The following SCARA3 variants were observed in gnomAD, a reference collection of about 807,000 sequenced individuals.
The protein encoded by SCARA3 is scavenger receptor class A member 3.
SCARA3 carries 39 observed loss-of-function variants against 47.0 expected under a neutral mutation model. The ratio of observed to expected loss-of-function variants is 0.83; its 90% CI spans 0.64 to 1.08. The LOEUF is 1.08. Among genes scored for constraint, SCARA3 ranks in the 50% least tolerant of loss-of-function variants. SCARA3 has a pLI of 0.00. For missense variants in SCARA3, 724 were observed against 792.3 expected, an observed-to-expected ratio of 0.91 and a Z score of 1.04; for synonymous variants, 356 against 334.1, an observed-to-expected ratio of 1.07 and a Z score of -0.71.
chr8:27,661,190 C>T (rs535595638), intron 5 of SCARA3, among the ~76,000 whole-genome samples: 4 of 152,272 alleles, frequency 2.6e-5, no homozygotes, highest in Admixed American at 2.0e-4. Context: ...CTGATCTAGT[C>T]AAGGTGACAC....
At chr8:27,638,769 T>C (rs934761730) in intron 1 of SCARA3, among the ~76,000 whole-genome samples, 4 of 152,184 alleles carry the variant, frequency 2.6e-5, no homozygotes, top group Admixed American at 2.0e-4. Flanking sequence ...CACATAGGAT[T>C]TGTGCCCAAG....
the SCARA3 span, among the ~76,000 whole-genome samples, chr8:27,706,401 C>T: frequency 6.6e-6 from 1 of 152,168 alleles, no homozygotes; most frequent in East Asian, 1.9e-4. Context: ...GATCTGCCCG[C>T]CTCGGCCTCC....
the SCARA3 span, among the ~76,000 whole-genome samples, chr8:27,723,869 G>A: frequency 6.6e-6 from 1 of 152,208 alleles, no homozygotes; most frequent in South Asian, 2.1e-4. Flanking sequence ...CCGAGTAGCT[G>A]GGAGTACAGG....
chr8:27,686,753 CTCT>C, the SCARA3 span, among the ~76,000 whole-genome samples: 1 of 152,218 alleles, frequency 6.6e-6, no homozygotes, highest in Non-Finnish European at 1.5e-5. Flanking sequence ...TATCCACACC[CTCT>C]TCTTAGGTAA....
intron 4 of SCARA3, 59 bp from the exon 5 acceptor site, chr8:27,658,437 G>A (rs1322392505): frequency 7.7e-6 from 11 of 1,434,884 alleles, no homozygotes; most frequent in Non-Finnish European, 9.4e-6. Context: ...TTAATTTAAA[G>A]AGGAAGCGTC....
chr8:27,694,220 A>G, the SCARA3 span, among the ~76,000 whole-genome samples: 1 of 152,216 alleles, frequency 6.6e-6, no homozygotes, highest in African/African-American at 2.4e-5. Flanking sequence ...CTTACTTCAT[A>G]GGGGAATAAT....
chr8:27,634,441 T>C (rs913796175), intron 1 of SCARA3, among the ~76,000 whole-genome samples: 1 of 152,046 alleles, frequency 6.6e-6, no homozygotes, highest in Non-Finnish European at 1.5e-5. Context: ...GCAGTCCTGT[T>C]CTCATCGGCC....
At chr8:27,634,795 C>T (rs539958700) in intron 1 of SCARA3, among the ~76,000 whole-genome samples, 17 of 152,312 alleles carry the variant, frequency 1.1e-4, no homozygotes, top group African/African-American at 4.1e-4. Context: ...ACTGACCTCT[C>T]CCCAGGGTGG....
intron 1 of SCARA3, among the ~76,000 whole-genome samples, chr8:27,636,042 T>C (rs547861940): frequency 2.6e-5 from 4 of 152,276 alleles, no homozygotes; most frequent in African/African-American, 9.6e-5. Context: ...CCAAGCAAGT[T>C]ATAATCAGCC....
chr8:27,643,132 G>A (rs1409000380), intron 1 of SCARA3, among the ~76,000 whole-genome samples: 1 of 152,214 alleles, frequency 6.6e-6, no homozygotes, highest in Non-Finnish European at 1.5e-5. Context: ...GTGCAGAGTG[G>A]GCCGTGCTCA....
chr8:27,706,521 G>T, the SCARA3 span, among the ~76,000 whole-genome samples: 2 of 152,134 alleles, frequency 1.3e-5, no homozygotes, highest in Non-Finnish European at 2.9e-5. Flanking sequence ...GGAATGAGAT[G>T]ATCAGATTTC....
chr8:27,699,710 C>T, the SCARA3 span, among the ~76,000 whole-genome samples: 1 of 152,072 alleles, frequency 6.6e-6, no homozygotes, highest in Non-Finnish European at 1.5e-5. Flanking sequence ...AGGAGGATCA[C>T]TTGATCCCAA....
rs35597968 is a variant in SCARA3, at chr8:27,643,395, G to A, written c.8-6307G>A. ...CTTGAGGATGGGGACCAAAAAAGGGGCGAGTGCTGGAGGAGAGAAACTGGC... is the reference window on the plus strand; with the variant it reads ...CTTGAGGATGGGGACCAAAAAAGGGACGAGTGCTGGAGGAGAGAAACTGGC... On this transcript the variant is annotated intron_variant, in intron 1 of 5. Coordinates refer to ENST00000301904, the MANE Select transcript of SCARA3 (RefSeq NM_016240.3). Among the ~76,000 whole-genome samples, 936 of 152,232 alleles carry A rather than the reference G, an allele frequency of 6.1e-3. 13 individuals carry two copies. Among genetic ancestry groups the A allele is most frequent in the African/African-American group, 0.021 (879 of 41,534 alleles).
chr8:27,656,631 G>A (rs35809334), intron 3 of SCARA3, 151 bp from the exon 4 acceptor site: 9,979 of 614,382 alleles, frequency 0.016, 114 homozygotes, highest in Non-Finnish European at 0.02. Flanking sequence ...GCCATAAGAA[G>A]TATCTTCCCT....
chr8:27,718,069 A>G, the SCARA3 span, among the ~76,000 whole-genome samples: 1 of 152,166 alleles, frequency 6.6e-6, no homozygotes, highest in South Asian at 2.1e-4. Flanking sequence ...ATCTCATTTC[A>G]TGCTTTTCCA....
intron 3 of SCARA3, among the ~76,000 whole-genome samples, chr8:27,654,226 C>G (rs1801694622): frequency 6.6e-6 from 1 of 152,120 alleles, no homozygotes; most frequent in Non-Finnish European, 1.5e-5. Flanking sequence ...CTTCACTGTA[C>G]AAGTCCTTCT....
chr8:27,707,882 G>T, the SCARA3 span, among the ~76,000 whole-genome samples: 8 of 150,348 alleles, frequency 5.3e-5, no homozygotes, highest in Non-Finnish European at 1.2e-4. Context: ...ATCTAAAAAT[G>T]ATGGGAGAAA....
rs1284837988 is a variant in SCARA3, at chr8:27,658,587, T to A, written c.417T>A (p.Ile139=). 1.9e-6 allele frequency: 3 copies of A among 1,614,116 alleles called. No homozygotes were observed. The African/African-American group carries it at 4.0e-5, about 22-fold the overall frequency. ...AACTGCAGGAGGAGCTGGAGGGAAT[T>A]CAGAAGCTGCTTCTGGCCCAGGAGG... is the stretch of plus-strand genomic sequence containing the variant. The part of the protein sequence containing the change: ...IRKLQEELEG[I]QKLLLAQEVQ... Residue 139 remains isoleucine, a synonymous_variant, in exon 5 of 6, where the codon ATT becomes ATA. Transcript: ENST00000301904.
intron 1 of SCARA3, among the ~76,000 whole-genome samples, chr8:27,635,610 A>G (rs1248195178): frequency 1.6e-5 from 2 of 121,842 alleles, no homozygotes; most frequent in African/African-American, 2.8e-5. Flanking sequence ...GGTGTGCACC[A>G]CCATGCATGG....
Sources: allele counts gnomAD v4.1 joint callset (sites outside exome capture counted in the v4.1 genomes callset), GRCh38; gene constraint gnomAD v4.1.1; transcripts MANE v1.5; gene names NCBI Gene and HGNC (gene_info 2026-07-23, HGNC 2026-07-21).